The following SLCO3A1 variants were observed in gnomAD, a reference collection of about 807,000 sequenced individuals.
SLCO3A1 encodes the protein solute carrier organic anion transporter family member 3A1.
Under a neutral mutation model 63.1 loss-of-function variants are expected in SLCO3A1, and 27 were observed. The observed-to-expected ratio is 0.43, with a 90% CI of 0.32 to 0.59. The LOEUF is 0.59. SLCO3A1 is among the 20% of genes least tolerant of loss of function. SLCO3A1 has a pLI of 0.09. For missense variants in SLCO3A1, 773 were observed against 945.8 expected (o/e 0.82, Z 2.40); for synonymous variants, 473 against 409.9 (o/e 1.15, Z -1.86).
intron 2 of SLCO3A1, among the ~76,000 whole-genome samples, chr15:92,076,642 G>A (rs986037801): frequency 1.1e-4 from 16 of 152,130 alleles, no homozygotes; most frequent in African/African-American, 3.6e-4. Context: ...GGTGCTCACG[G>A]GCCTCCTTGG....
intron 1 of SLCO3A1, among the ~76,000 whole-genome samples, chr15:91,909,939 G>C (rs544796933): frequency 1.3e-5 from 2 of 152,186 alleles, no homozygotes; most frequent in African/African-American, 4.8e-5. Context: ...TGCCCCGGCC[G>C]TCTCTCCTCC....
intron 1 of SLCO3A1, among the ~76,000 whole-genome samples, chr15:91,888,616 A>G (rs1448409159): frequency 6.6e-6 from 1 of 152,172 alleles, no homozygotes; most frequent in African/African-American, 2.4e-5. Context: ...GATTAGCAGG[A>G]TTAACCTGTA....
At chr15:91,943,301 A>G (rs1370562575) in intron 2 of SLCO3A1, among the ~76,000 whole-genome samples, 2 of 152,076 alleles carry the variant, frequency 1.3e-5, no homozygotes. Flanking sequence ...GAGTCTTGCT[A>G]TCCTAGTTAC....
chr15:92,119,955 A>T (rs2047842481), intron 4 of SLCO3A1, among the ~76,000 whole-genome samples: 1 of 152,154 alleles, frequency 6.6e-6, no homozygotes, highest in African/African-American at 2.4e-5. Flanking sequence ...AGAGCACAAG[A>T]ATTTCATATC....
chr15:92,143,465 T>TATAAAATATATATATTATATATATATAA (rs2048175212), intron 7 of SLCO3A1, among the ~76,000 whole-genome samples: 5 of 25,712 alleles, frequency 1.9e-4, no homozygotes, highest in African/African-American at 1.3e-3. Flanking sequence ...ATATAATATA[T>TATAAAATATATATATTATATATATATAA]ATAAATATAT....
chr15:91,927,938 T>C (rs1899088898), intron 2 of SLCO3A1, among the ~76,000 whole-genome samples: 1 of 152,242 alleles, frequency 6.6e-6, no homozygotes, highest in South Asian at 2.1e-4. Flanking sequence ...TGTACATTTG[T>C]ATCATGGGGC....
chr15:91,963,068 G>A (rs1597163127), intron 2 of SLCO3A1, among the ~76,000 whole-genome samples: 2 of 152,220 alleles, frequency 1.3e-5, no homozygotes, highest in East Asian at 3.9e-4. Context: ...CGGGTGCTGG[G>A]GGTGATTACC....
intron 2 of SLCO3A1, among the ~76,000 whole-genome samples, chr15:91,927,163 TC>T (rs1255469591): frequency 6.6e-6 from 1 of 152,100 alleles, no homozygotes; most frequent in Non-Finnish European, 1.5e-5. Flanking sequence ...CCCTCGGCCC[TC>T]CACTCCCCCG....
chr15:92,077,134 C>T (rs977377721), intron 2 of SLCO3A1, among the ~76,000 whole-genome samples: 1 of 152,130 alleles, frequency 6.6e-6, no homozygotes, highest in African/African-American at 2.4e-5. Context: ...ATCGTGAGAA[C>T]AGCATGAGGG....
intron 2 of SLCO3A1, among the ~76,000 whole-genome samples, chr15:92,023,639 T>C (rs2046536742): frequency 6.6e-6 from 1 of 152,120 alleles, no homozygotes; most frequent in Admixed American, 6.5e-5. Flanking sequence ...CAGGAAATTT[T>C]TGTATTTTTA....
chr15:91,871,647 G>A (rs1472531891), intron 1 of SLCO3A1, among the ~76,000 whole-genome samples: 1 of 151,986 alleles, frequency 6.6e-6, no homozygotes, highest in African/African-American at 2.4e-5. Flanking sequence ...TTGTCTTCCT[G>A]AGGGTGTTTG....
At chr15:92,014,825 T>A (rs1232684226) in intron 2 of SLCO3A1, among the ~76,000 whole-genome samples, 1 of 151,966 alleles carries the variant, frequency 6.6e-6, no homozygotes, top group Non-Finnish European at 1.5e-5. Flanking sequence ...CTCAGCGTCA[T>A]GGCTTGGCAA....
chr15:92,061,282 C>A (rs1243196370), intron 2 of SLCO3A1, among the ~76,000 whole-genome samples: 3 of 152,092 alleles, frequency 2.0e-5, no homozygotes, highest in African/African-American at 7.2e-5. Context: ...ACAGCTCAGC[C>A]CTAATAATAT....
In SLCO3A1 at chr15:91,923,077, C is replaced by T. The variant is rs146574894; in HGVS notation, c.646+6619C>T. 5.7e-3 allele frequency among the ~76,000 whole-genome samples: 872 copies of T among 152,166 alleles called. 3 individuals carry two copies. Among genetic ancestry groups the T allele is most frequent in the African/African-American group, 0.015 (634 of 41,506 alleles). Reference sequence around the variant, plus strand: ...AACAGTCTTGAAATTGAAATCCTGGCCCCTCCACGACTCCTGGGTTTTGGA... The same window carrying T: ...AACAGTCTTGAAATTGAAATCCTGGTCCCTCCACGACTCCTGGGTTTTGGA... On this transcript the variant is annotated intron_variant, in intron 2 of 9. Transcript: ENST00000318445.
chr15:92,164,720 T>C lies in SLCO3A1; in HGVS notation c.*1585T>C. ...TTAGTCTTGAACTAAGGCCCTTGTC[T>C]GTGTGTTTTGAAGGTGGGTGAACCT... On this transcript the variant is annotated 3_prime_UTR_variant, in exon 10 of 10. Transcript: ENST00000318445. 3.0e-6 allele frequency: 3 copies of C among 985,446 alleles called. No individual in the cohort carries two copies. Among genetic ancestry groups the C allele is most frequent in the Non-Finnish European group, 2.4e-6 (2 of 829,932 alleles). 61.0% of individuals were successfully genotyped at this position (985,446 alleles called of 1,614,324 possible). A position where few individuals can be genotyped will look rare whatever the true frequency, so the allele number is the denominator to read the frequency against.
At chr15:91,963,418 G>GTGGC (rs1567041137) in intron 2 of SLCO3A1, among the ~76,000 whole-genome samples, 1 of 130,582 alleles carries the variant, frequency 7.7e-6, no homozygotes, top group Non-Finnish European at 1.6e-5. Flanking sequence ...TGGGGGGGGG[G>GTGGC]GGCGGCAGCA....
At chr15:92,143,143 C>T (rs2048157702) in intron 7 of SLCO3A1, among the ~76,000 whole-genome samples, 2 of 149,942 alleles carry the variant, frequency 1.3e-5, no homozygotes, top group Non-Finnish European at 3.0e-5. Flanking sequence ...CAAACAAGAC[C>T]ACAGCCACCC....
chr15:92,166,110 A>T (rs1036201963), downstream of SLCO3A1, among the ~76,000 whole-genome samples: 7 of 152,102 alleles, frequency 4.6e-5, no homozygotes, highest in African/African-American at 1.7e-4. Flanking sequence ...AAGTAAGCAC[A>T]TTTTGCAAAA....
intron 2 of SLCO3A1, among the ~76,000 whole-genome samples, chr15:92,065,384 G>A (rs746898031): frequency 9.9e-5 from 15 of 152,180 alleles, no homozygotes; most frequent in African/African-American, 2.4e-4. Context: ...CACCACACCC[G>A]GCCATTTACC....
Sources: allele counts gnomAD v4.1 joint callset (sites outside exome capture counted in the v4.1 genomes callset), GRCh38; gene constraint gnomAD v4.1.1; transcripts MANE v1.5; gene names NCBI Gene and HGNC (gene_info 2026-07-23, HGNC 2026-07-21).